LDB2: variants seen among roughly 807,000 people sequenced by gnomAD.
The protein encoded by LDB2 is LIM domain-binding protein 2.
LDB2 carries 12 observed loss-of-function variants against 44.3 expected under a neutral mutation model. The ratio of observed to expected loss-of-function variants is 0.27; its 90% CI spans 0.17 to 0.44. The LOEUF is 0.44. Ranked by LOEUF, LDB2 falls within the 20% of genes least tolerant of loss-of-function variation. The probability of loss-of-function intolerance (pLI) is 1.00; values close to 1 mark genes in which losing one functional copy is unlikely to be tolerated. For synonymous variants in LDB2, 164 were observed against 174.8 expected, an observed-to-expected ratio of 0.94 and a Z score of 0.49; for missense variants, 344 against 473.5, an observed-to-expected ratio of 0.73 and a Z score of 2.54.
At chr4:16,838,546 A>G (rs1785305561) in intron 1 of LDB2, among the ~76,000 whole-genome samples, 1 of 152,182 alleles carries the variant, frequency 6.6e-6, no homozygotes, top group African/African-American at 2.4e-5. Context: ...AGGAAGTGCT[A>G]TTGGGATGTT....
intron 5 of LDB2, among the ~76,000 whole-genome samples, chr4:16,545,286 T>C (rs1290720825): frequency 6.6e-6 from 1 of 152,084 alleles, no homozygotes; most frequent in African/African-American, 2.4e-5. Context: ...TAGATATTTC[T>C]GGTGCTCTTC....
At chr4:16,676,673 G>A (rs1746418368) in intron 2 of LDB2, among the ~76,000 whole-genome samples, 1 of 152,330 alleles carries the variant, frequency 6.6e-6, no homozygotes, top group Admixed American at 6.5e-5. Context: ...TAGTCCAAAT[G>A]AGAACTCAGG....
intron 1 of LDB2, among the ~76,000 whole-genome samples, chr4:16,891,817 A>G (rs947926456): frequency 6.6e-6 from 1 of 152,214 alleles, no homozygotes; most frequent in South Asian, 2.1e-4. Flanking sequence ...TAGAAAACAA[A>G]AATGAATATA....
At chr4:16,819,365 A>G (rs1286597391) in intron 1 of LDB2, among the ~76,000 whole-genome samples, 1 of 150,558 alleles carries the variant, frequency 6.6e-6, no homozygotes. Context: ...TTATCAGTTC[A>G]TATTTTATTA....
intron 2 of LDB2, among the ~76,000 whole-genome samples, chr4:16,600,989 A>T (rs903943230): frequency 6.6e-6 from 1 of 151,978 alleles, no homozygotes; most frequent in Admixed American, 6.6e-5. Flanking sequence ...GAAATGCATT[A>T]AAAAAAACTT....
chr4:16,549,324 G>T (rs1736839810), intron 5 of LDB2, among the ~76,000 whole-genome samples: 1 of 152,134 alleles, frequency 6.6e-6, no homozygotes, highest in Admixed American at 6.5e-5. Flanking sequence ...TGCATTAGGG[G>T]TCTACTCTTA....
chr4:16,526,543 ATCTG>A (rs1214777382), intron 5 of LDB2, among the ~76,000 whole-genome samples: 1 of 152,204 alleles, frequency 6.6e-6, no homozygotes, highest in Non-Finnish European at 1.5e-5. Context: ...TCTCTCATCT[ATCTG>A]TCTATCATCT....
At chr4:16,747,085 C>T (rs74456180) in intron 2 of LDB2, among the ~76,000 whole-genome samples, 6,349 of 152,274 alleles carry the variant, frequency 0.042, 200 homozygotes, top group African/African-American at 0.083. Context: ...ATGCTGAAGA[C>T]GAGCCTGAAT....
intron 2 of LDB2, among the ~76,000 whole-genome samples, chr4:16,598,103 G>A (rs1045420587): frequency 6.6e-6 from 1 of 152,108 alleles, no homozygotes; most frequent in African/African-American, 2.4e-5. Context: ...GGTGCCCCAA[G>A]TAAACCATGA....
chr4:16,728,121 A>G (rs1486672092), intron 2 of LDB2, among the ~76,000 whole-genome samples: 9 of 152,230 alleles, frequency 5.9e-5, no homozygotes, highest in Non-Finnish European at 2.9e-5. Flanking sequence ...ATGCTTAAAG[A>G]AAAAGTAAGG....
At chr4:16,732,331 T>C (rs1277869167) in intron 2 of LDB2, among the ~76,000 whole-genome samples, 1 of 152,214 alleles carries the variant, frequency 6.6e-6, no homozygotes, top group Non-Finnish European at 1.5e-5. Flanking sequence ...ACAATAACAA[T>C]GCATTCCTTT....
chr4:16,577,341 CAAAA>C (rs1712085396), intron 5 of LDB2, among the ~76,000 whole-genome samples: 1 of 151,954 alleles, frequency 6.6e-6, no homozygotes, highest in African/African-American at 2.4e-5. Context: ...AAGACTCCAC[CAAAA>C]AACTATTAGA....
At chr4:16,733,897 T>C (rs145246963) in intron 2 of LDB2, among the ~76,000 whole-genome samples, 2,008 of 152,322 alleles carry the variant, frequency 0.013, 27 homozygotes, top group South Asian at 0.053. Context: ...TTTAAAAATA[T>C]TGTTATTAGT....
At chr4:16,665,347 C>T (rs1243536533) in intron 2 of LDB2, among the ~76,000 whole-genome samples, 2 of 143,316 alleles carry the variant, frequency 1.4e-5, no homozygotes, top group African/African-American at 2.6e-5. Flanking sequence ...CTCATGGCAA[C>T]CTCCGCCTCT....
intron 2 of LDB2, among the ~76,000 whole-genome samples, chr4:16,698,324 A>G (rs1752664696): frequency 6.6e-6 from 1 of 152,210 alleles, no homozygotes; most frequent in South Asian, 2.1e-4. Flanking sequence ...ATCAGCAATT[A>G]TTGTATCAGA....
intron 5 of LDB2, among the ~76,000 whole-genome samples, chr4:16,561,073 T>A (rs1022345499): frequency 6.6e-6 from 1 of 152,100 alleles, no homozygotes; most frequent in African/African-American, 2.4e-5. Flanking sequence ...TATCTCAAAA[T>A]AATAAGAGCT....
rs780127206 is a variant in LDB2 at position 16,595,805 on chromosome 4, G to A, written c.306C>T (p.Tyr102=). ...ATGACTCTTTCGAGTGTTTGAGAATGTAATACAGGTCGGTCACCCCTCCTT... is the reference window on the plus strand; with the variant it reads ...ATGACTCTTTCGAGTGTTTGAGAATATAATACAGGTCGGTCACCCCTCCTT... ...VFEGGVTDLY[Y]ILKHSKESYH... Residue 102 remains tyrosine (Y), a synonymous_variant, in exon 3 of 8, where the codon TAC becomes TAT. Coordinates refer to ENST00000304523, the MANE Select transcript of LDB2 (RefSeq NM_001290.5). 1 of 1,613,708 alleles carries A rather than the reference G, an allele frequency of 6.2e-7. No individual in the cohort carries two copies. Among genetic ancestry groups the A allele is most frequent in the South Asian group, 1.1e-5 (1 of 91,044 alleles).
chr4:16,657,138 G>A (rs1033816825), intron 2 of LDB2, among the ~76,000 whole-genome samples: 1 of 152,126 alleles, frequency 6.6e-6, no homozygotes, highest in African/African-American at 2.4e-5. Flanking sequence ...GATATTTTCA[G>A]CAAAAACAGT....
At chr4:16,897,909 T>TATATATATATATATATAC (rs1725595080) in intron 1 of LDB2, among the ~76,000 whole-genome samples, 20 of 14,830 alleles carry the variant, frequency 1.3e-3, no homozygotes, top group Non-Finnish European at 1.7e-3. Context: ...TATATATATA[T>TATATATATATATATATAC]ATATATATAT....
Sources: allele counts gnomAD v4.1 joint callset (sites outside exome capture counted in the v4.1 genomes callset), GRCh38; gene constraint gnomAD v4.1.1; transcripts MANE v1.5; gene names NCBI Gene and HGNC (gene_info 2026-07-23, HGNC 2026-07-21).